The following METTL15 variants were observed in gnomAD, a reference collection of about 807,000 sequenced individuals.
The protein encoded by METTL15 is methyltransferase 15, mitochondrial 12S rRNA N4-cytidine, also known as 12S rRNA N(4)-cytidine methyltransferase METTL15.
In METTL15, 34 loss-of-function variants were observed where a neutral mutation model predicts 38.3. That is an observed-to-expected ratio of 0.89 (90% confidence interval 0.68 to 1.18). The LOEUF (loss-of-function observed/expected upper bound fraction) is 1.18, where lower values mean the gene tolerates loss of function less well. Ranked by LOEUF, METTL15 falls within the 50% of genes most tolerant of loss-of-function variation. The probability of loss-of-function intolerance (pLI) is 0.00; values close to 1 mark genes in which losing one functional copy is unlikely to be tolerated. For missense variants in METTL15, 438 were observed against 498.4 expected, an observed-to-expected ratio of 0.88 and a Z score of 1.15; for synonymous variants, 162 against 170.9, an observed-to-expected ratio of 0.95 and a Z score of 0.41.
intron 6 of METTL15, among the ~76,000 whole-genome samples, chr11:28,425,990 G>C (rs1850860882): frequency 6.6e-6 from 1 of 152,096 alleles, no homozygotes. Context: ...AGGTTGTCCA[G>C]GTTTGTTACA....
At chr11:28,385,105 C>T (rs1850426906) in intron 5 of METTL15, among the ~76,000 whole-genome samples, 1 of 152,136 alleles carries the variant, frequency 6.6e-6, no homozygotes, top group Non-Finnish European at 1.5e-5. Context: ...TCTGTTTACT[C>T]TGTTGATAGT....
At chr11:28,325,198 G>C (rs1446360769) in intron 6 of METTL15, among the ~76,000 whole-genome samples, 3 of 152,184 alleles carry the variant, frequency 2.0e-5, no homozygotes, top group Admixed American at 6.5e-5. Flanking sequence ...CCAAGTGATG[G>C]CCTTCCCATG....
intron 4 of METTL15, among the ~76,000 whole-genome samples, chr11:28,212,316 G>A (rs1401756054): frequency 2.0e-5 from 3 of 152,076 alleles, no homozygotes; most frequent in African/African-American, 7.2e-5. Context: ...ATATGAAGAC[G>A]TGATTTAATG....
intron 3 of METTL15, among the ~76,000 whole-genome samples, chr11:28,174,829 AAC>A (rs1491319787): frequency 0.015 from 2,145 of 145,036 alleles, 32 homozygotes; most frequent in Admixed American, 0.026. Flanking sequence ...AAAAAAAAAA[AAC>A]ATAAAAAAGC....
chr11:28,199,255 G>A lies in METTL15; in HGVS notation c.271-11807G>A, dbSNP rs535342779. ...TATACTTAGAACTTAGTGTTTTTAA[G>A]CACTGTTACAAACCAACCTTCTTGA... On this transcript the variant is annotated intron_variant, in intron 3 of 6. Transcript: ENST00000407364. 2.6e-5 allele frequency among the ~76,000 whole-genome samples: 4 copies of A among 152,162 alleles called. No individual in the cohort carries two copies. The South Asian group carries it at 8.3e-4, about 32-fold the overall frequency.
intron 4 of METTL15, among the ~76,000 whole-genome samples, chr11:28,354,518 T>C (rs1005369944): frequency 3.3e-5 from 5 of 152,202 alleles, no homozygotes; most frequent in Non-Finnish European, 5.9e-5. Context: ...TATTCTGTTA[T>C]TAGTCAGATA....
At chr11:28,512,281 C>A (rs1263408209) in intron 6 of METTL15, among the ~76,000 whole-genome samples, 3 of 152,248 alleles carry the variant, frequency 2.0e-5, no homozygotes, top group Non-Finnish European at 4.4e-5. Context: ...CCAAGTGGAT[C>A]CCGCACCGGG....
At chr11:28,222,470 G>A (rs1853283791) in intron 4 of METTL15, among the ~76,000 whole-genome samples, 1 of 152,198 alleles carries the variant, frequency 6.6e-6, no homozygotes, top group South Asian at 2.1e-4. Context: ...CATTGGCTAG[G>A]AAAGGGAATT....
chr11:28,281,512 G>A (rs1052433421), intron 4 of METTL15, among the ~76,000 whole-genome samples: 2 of 152,138 alleles, frequency 1.3e-5, no homozygotes, highest in South Asian at 4.1e-4. Flanking sequence ...CGTTTTTATA[G>A]CTCTCTGATT....
At chr11:28,151,523 C>T (rs1850089538) in intron 3 of METTL15, among the ~76,000 whole-genome samples, 1 of 151,936 alleles carries the variant, frequency 6.6e-6, no homozygotes, top group Non-Finnish European at 1.5e-5. Flanking sequence ...TACTTGATAA[C>T]CATATGAGGC....
intron 6 of METTL15, among the ~76,000 whole-genome samples, chr11:28,484,936 T>C (rs1042282678): frequency 6.6e-6 from 1 of 152,168 alleles, no homozygotes; most frequent in African/African-American, 2.4e-5. Flanking sequence ...TGCCTGCTCA[T>C]GAATCAGGTA....
chr11:28,123,989 T>C, intron 3 of METTL15: 2 of 783,546 alleles, frequency 2.6e-6, no homozygotes, highest in Non-Finnish European at 3.6e-6. Flanking sequence ...TTTTACTGTT[T>C]ATGAAGCACT....
chr11:28,511,725 T>G (rs943196075), intron 6 of METTL15, among the ~76,000 whole-genome samples: 1 of 152,182 alleles, frequency 6.6e-6, no homozygotes, highest in Non-Finnish European at 1.5e-5. Context: ...CGGTGAGTGT[T>G]ACAGCTCATA....
At chr11:28,252,777 C>G (rs569364868) in intron 4 of METTL15, among the ~76,000 whole-genome samples, 2 of 152,206 alleles carry the variant, frequency 1.3e-5, no homozygotes, top group Admixed American at 6.5e-5. Context: ...ACATTTTCTT[C>G]CACTTTATAA....
At chr11:28,343,951 A>G (rs1000371385) in intron 3 of METTL15, among the ~76,000 whole-genome samples, 1 of 152,212 alleles carries the variant, frequency 6.6e-6, no homozygotes, top group South Asian at 2.1e-4. Flanking sequence ...AAATAAAGAA[A>G]TGAATGAAGT....
At chr11:28,161,209 G>A (rs889351598) in intron 3 of METTL15, among the ~76,000 whole-genome samples, 5 of 148,498 alleles carry the variant, frequency 3.4e-5, no homozygotes, top group African/African-American at 1.2e-4. Flanking sequence ...TGCCACTGCT[G>A]CCTCCCAGGT....
chr11:28,279,913 A>G (rs1310181772), intron 4 of METTL15, among the ~76,000 whole-genome samples: 2 of 142,710 alleles, frequency 1.4e-5, no homozygotes, highest in East Asian at 4.4e-4. Flanking sequence ...ACAAAACAAA[A>G]CAAAAAAAAA....
At chr11:28,232,462 ACTC>A (rs936992126) in intron 4 of METTL15, among the ~76,000 whole-genome samples, 3 of 151,674 alleles carry the variant, frequency 2.0e-5, no homozygotes, top group Non-Finnish European at 2.9e-5. Context: ...TGGCATGCGA[ACTC>A]CTATGCATAA....
At chr11:28,287,281 C>T (rs1265779995) in intron 4 of METTL15, 2 of 201,474 alleles carry the variant, frequency 9.9e-6, no homozygotes, top group South Asian at 6.4e-5. Context: ...TTTCTTCTTG[C>T]ATCTTCGTGG....
Sources: allele counts gnomAD v4.1 joint callset (sites outside exome capture counted in the v4.1 genomes callset), GRCh38; gene constraint gnomAD v4.1.1; transcripts MANE v1.5; gene names NCBI Gene and HGNC (gene_info 2026-07-23, HGNC 2026-07-21).